NCOA2: variants seen among roughly 807,000 people sequenced by gnomAD.
The protein encoded by NCOA2 is class E basic helix-loop-helix protein 75.
In NCOA2, 21 loss-of-function variants were observed where a neutral mutation model predicts 145.1. That is an observed-to-expected ratio of 0.14 (90% CI 0.10 to 0.21). The LOEUF is 0.21. Ranked by LOEUF, NCOA2 falls within the 10% of genes least tolerant of loss-of-function variation. The pLI, the probability that NCOA2 is intolerant of heterozygous loss-of-function variation, is 1.00. For missense variants in NCOA2, 1,472 were observed against 1,837.6 expected (o/e 0.80, Z 3.64); for synonymous variants, 619 against 637.5 (o/e 0.97, Z 0.44).
At chr8:70,347,292 CG>C (rs1808755441) in intron 1 of NCOA2, among the ~76,000 whole-genome samples, 1 of 151,916 alleles carries the variant, frequency 6.6e-6, no homozygotes, top group African/African-American at 2.4e-5. Flanking sequence ...CGAGACCAGC[CG>C]GGCCAACGTG....
intron 1 of NCOA2, among the ~76,000 whole-genome samples, chr8:70,357,759 G>T (rs558720620): frequency 1.8e-3 from 274 of 150,888 alleles, no homozygotes; most frequent in African/African-American, 6.4e-3. Flanking sequence ...AAAGCGCGGT[G>T]GGGGGAAGAT....
intron 2 of NCOA2, among the ~76,000 whole-genome samples, chr8:70,266,486 C>G (rs1824605642): frequency 6.6e-6 from 1 of 152,144 alleles, no homozygotes; most frequent in African/African-American, 2.4e-5. Flanking sequence ...GCGGTTATTT[C>G]TAACTGTACC....
chr8:70,154,988 A>G (rs1211564774), intron 11 of NCOA2, among the ~76,000 whole-genome samples: 1 of 152,240 alleles, frequency 6.6e-6, no homozygotes, highest in Non-Finnish European at 1.5e-5. Flanking sequence ...AGCTTGGTCT[A>G]GCCATTCCAG....
At chr8:70,169,890 A>AATCATCATCATCATCATC (rs56144437) in intron 6 of NCOA2, among the ~76,000 whole-genome samples, 14 of 150,186 alleles carry the variant, frequency 9.3e-5, no homozygotes, top group East Asian at 7.9e-4. Context: ...TGCCAAGCAA[A>AATCATCATCATCATCATC]ATCATCATCA....
At chr8:70,344,989 G>A (rs889614171) in intron 1 of NCOA2, among the ~76,000 whole-genome samples, 3 of 152,164 alleles carry the variant, frequency 2.0e-5, no homozygotes, top group Non-Finnish European at 4.4e-5. Flanking sequence ...TAATCTAAGA[G>A]TAATTTAATG....
chr8:70,240,052 T>C (rs372202286), intron 2 of NCOA2, among the ~76,000 whole-genome samples: 3 of 152,094 alleles, frequency 2.0e-5, no homozygotes, highest in East Asian at 3.9e-4. Context: ...CACAAAGGCT[T>C]TGGGGAAATG....
chr8:70,416,608 A>G, the NCOA2 span, among the ~76,000 whole-genome samples: 1 of 152,254 alleles, frequency 6.6e-6, no homozygotes, highest in Non-Finnish European at 1.5e-5. Context: ...TAATGCTGCT[A>G]TATCAGAATA....
intron 2 of NCOA2, among the ~76,000 whole-genome samples, chr8:70,222,484 T>C (rs939479041): frequency 6.6e-6 from 1 of 152,206 alleles, no homozygotes; most frequent in African/African-American, 2.4e-5. Context: ...AATTCCTTCC[T>C]CTCAGTATCG....
intron 1 of NCOA2, among the ~76,000 whole-genome samples, chr8:70,302,757 A>T (rs531667409): frequency 6.6e-6 from 1 of 152,218 alleles, no homozygotes; most frequent in Non-Finnish European, 1.5e-5. Flanking sequence ...ACAATTAGTC[A>T]TAAGTTAAAC....
At chr8:70,404,047 G>A (rs1814639152), upstream of NCOA2, among the ~76,000 whole-genome samples, 2 of 152,306 alleles carry the variant, frequency 1.3e-5, no homozygotes, top group East Asian at 1.9e-4. Context: ...CCGAGGAAGG[G>A]GCAAAGGTGG....
intron 4 of NCOA2, among the ~76,000 whole-genome samples, chr8:70,180,886 A>G (rs1815401522): frequency 6.6e-6 from 1 of 152,232 alleles, no homozygotes; most frequent in Non-Finnish European, 1.5e-5. Flanking sequence ...GCATAAACTG[A>G]AAGTAAAATT....
rs1806457886 is a variant in NCOA2, at chr8:70,110,649, A to AT, written c.*2982dup. On this transcript the variant is annotated 3_prime_UTR_variant, in exon 23 of 23. Transcript: ENST00000452400. Reference sequence around the variant, plus strand: ...GCCACCCATTTCATGTGTTAAGCCCATATGAACTCCATTTTTGAACACAGA... The same window carrying AT: ...GCCACCCATTTCATGTGTTAAGCCCATTATGAACTCCATTTTTGAACACAGA... 4.7e-6 allele frequency: 1 copy of AT among 212,504 alleles called. No individual in the cohort carries two copies. Among genetic ancestry groups the AT allele is most frequent in the Non-Finnish European group, 9.5e-6 (1 of 105,022 alleles). The allele number at this position is 212,504 out of a possible 1,614,324, so 13.2% of individuals were successfully genotyped here. A position where few individuals can be genotyped will look rare whatever the true frequency, so the allele number is the denominator to read the frequency against.
At position 70,128,759 on chromosome 8, in the gene NCOA2, C is replaced by T; in HGVS notation, c.3546G>A (p.Val1182=). The T allele has an allele frequency of 2.5e-6, 4 of 1,614,034 alleles. No homozygotes were observed. Among genetic ancestry groups the T allele is most frequent in the Non-Finnish European group, 3.4e-6 (4 of 1,179,906 alleles). ...PRPGLRPTGL[V]QNQPNQLRLQ... is the part of the protein sequence containing the mutation. ...GTCTTAGTTGATTTGGCTGGTTCTGCACTAGGCCCGTGGGCCTGAGGCCCG... is the reference window on the plus strand; with the variant it reads ...GTCTTAGTTGATTTGGCTGGTTCTGTACTAGGCCCGTGGGCCTGAGGCCCG... Residue 1182 remains valine, a synonymous_variant, in exon 17 of 23, where the codon GTG becomes GTA. Coordinates refer to ENST00000452400, the MANE Select transcript of NCOA2 (RefSeq NM_006540.4).
At chr8:70,345,437 T>C (rs374386902) in intron 1 of NCOA2, among the ~76,000 whole-genome samples, 1 of 152,058 alleles carries the variant, frequency 6.6e-6, no homozygotes, top group Admixed American at 6.6e-5. Flanking sequence ...TCACAAGGGG[T>C]CTGAGGGATT....
At chr8:70,120,602 T>C (rs1187303054) in intron 22 of NCOA2, among the ~76,000 whole-genome samples, 1 of 152,052 alleles carries the variant, frequency 6.6e-6, no homozygotes, top group Non-Finnish European at 1.5e-5. Flanking sequence ...GTGCCTGTAA[T>C]CCCAGCTACT....
At chr8:70,261,246 T>C (rs941961309) in intron 2 of NCOA2, among the ~76,000 whole-genome samples, 1 of 152,158 alleles carries the variant, frequency 6.6e-6, no homozygotes, top group African/African-American at 2.4e-5. Context: ...ATGTGGCACA[T>C]ATACACCATG....
Position 70,126,797 on chromosome 8 carries a change from G to A in NCOA2, c.3916+16C>T, listed in dbSNP as rs1360929628. The A allele has an allele frequency of 1.2e-6, 2 of 1,602,602 alleles. No individual in the cohort carries two copies. Among genetic ancestry groups the A allele is most frequent in the Non-Finnish European group, 1.7e-6 (2 of 1,170,134 alleles). ...GAAAGGACTGGTGAAAGGTGGTGGG[G>A]ATCTAAGTCCAGTACCGTAGTTTGG... On this transcript the variant is annotated intron_variant, in intron 19 of 22. Coordinates refer to ENST00000452400, the MANE Select transcript of NCOA2 (RefSeq NM_006540.4).
chr8:70,126,616 A>T, intron 19 of NCOA2, 197 bp downstream of exon 19: 1 of 595,892 alleles, frequency 1.7e-6, no homozygotes. Flanking sequence ...CTGAGCTGAG[A>T]GCCTGGAAGG....
chr8:70,428,067 T>A, the NCOA2 span, among the ~76,000 whole-genome samples: 2 of 151,958 alleles, frequency 1.3e-5, no homozygotes, highest in Non-Finnish European at 2.9e-5. Flanking sequence ...TAAAATGACA[T>A]ACAAATAAGG....
Sources: gnomAD v4.1 joint callset for allele counts (sites outside exome capture counted in the v4.1 genomes callset) on GRCh38, gnomAD v4.1.1 for gene constraint, MANE v1.5 for transcripts, NCBI Gene and HGNC (gene_info 2026-07-23, HGNC 2026-07-21) for gene names.